The following ADAM22 variants were observed in gnomAD, a reference collection of about 807,000 sequenced individuals.
The protein encoded by ADAM22 is disintegrin and metalloproteinase domain-containing protein 22.
Under a neutral mutation model 144.6 loss-of-function variants are expected in ADAM22, and 65 were observed. The ratio of observed to expected loss-of-function variants is 0.45; its 90% CI spans 0.37 to 0.55. The LOEUF is 0.55. Among genes scored for constraint, ADAM22 ranks in the 20% least tolerant of loss-of-function variants. ADAM22 has a pLI of 0.00. For missense variants in ADAM22, 974 were observed against 1,184.9 expected, an observed-to-expected ratio of 0.82 and a Z score of 2.61; for synonymous variants, 391 against 412.6, an observed-to-expected ratio of 0.95 and a Z score of 0.63.
intron 3 of ADAM22, among the ~76,000 whole-genome samples, chr7:87,991,959 A>G (rs922736548): frequency 6.6e-6 from 1 of 152,192 alleles, no homozygotes; most frequent in African/African-American, 2.4e-5. Flanking sequence ...TTCTCTCACA[A>G]CTGAAAGACA....
intron 5 of ADAM22, among the ~76,000 whole-genome samples, chr7:88,110,563 T>C (rs1825722917): frequency 6.6e-6 from 1 of 151,652 alleles, no homozygotes. Context: ...TAAAGAAGGA[T>C]TGAAAAATAA....
intron 2 of ADAM22, among the ~76,000 whole-genome samples, chr7:87,968,661 A>G (rs968095970): frequency 3.9e-5 from 6 of 152,312 alleles, no homozygotes; most frequent in Middle Eastern, 3.4e-3. Flanking sequence ...ATTTGAGGTT[A>G]CAGTGAGCTG....
At chr7:88,126,575 C>T (rs1830456866) in intron 8 of ADAM22, among the ~76,000 whole-genome samples, 1 of 151,902 alleles carries the variant, frequency 6.6e-6, no homozygotes, top group Non-Finnish European at 1.5e-5. Flanking sequence ...CCCTCAAAAA[C>T]CTTAAGAGGA....
chr7:88,116,858 A>G, intron 7 of ADAM22, 44 bp downstream of exon 7: 1 of 1,418,348 alleles, frequency 7.1e-7, no homozygotes, highest in Admixed American at 1.7e-5. Flanking sequence ...AGACAACTTC[A>G]GTAATTTATT....
At chr7:88,103,514 A>AT (rs1169945753) in intron 4 of ADAM22, among the ~76,000 whole-genome samples, 7 of 152,092 alleles carry the variant, frequency 4.6e-5, no homozygotes, top group South Asian at 4.2e-4. Context: ...ATAGAGGTAG[A>AT]TTTTTTTTAG....
At chr7:88,139,279 A>G (rs1833918905) in intron 14 of ADAM22, among the ~76,000 whole-genome samples, 1 of 152,194 alleles carries the variant, frequency 6.6e-6, no homozygotes, top group African/African-American at 2.4e-5. Context: ...TTAGCTGGAT[A>G]TGATGGCAGG....
chr7:88,084,820 A>G (rs1475269722), intron 4 of ADAM22, among the ~76,000 whole-genome samples: 2 of 152,222 alleles, frequency 1.3e-5, no homozygotes, highest in East Asian at 3.8e-4. Context: ...GGGTGGCTTA[A>G]ACAATAGAAA....
chr7:88,045,936 G>T (rs1420126804), intron 3 of ADAM22, among the ~76,000 whole-genome samples: 3 of 147,088 alleles, frequency 2.0e-5, no homozygotes, highest in African/African-American at 7.6e-5. Flanking sequence ...GTGTGTGTAT[G>T]TCACCCTGTT....
chr7:88,016,035 G>A (rs1022771161), intron 3 of ADAM22, among the ~76,000 whole-genome samples: 1 of 151,774 alleles, frequency 6.6e-6, no homozygotes, highest in East Asian at 1.9e-4. Context: ...ATTTCTCAAG[G>A]TATATTTTCT....
Position 87,944,302 on chromosome 7 carries a change from A to T in ADAM22, c.246+9116A>T, listed in dbSNP as rs11762646. 2.1e-4 allele frequency among the ~76,000 whole-genome samples: 32 copies of T among 152,108 alleles called. 1 individual carries two copies. Among genetic ancestry groups the T allele is most frequent in the Admixed American group, 1.0e-3 (16 of 15,286 alleles). On this transcript the variant is annotated intron_variant, in intron 2 of 31. Transcript: ENST00000413139. Reference sequence around the variant, plus strand: ...GTACACACAATTTGCTGGTACACACAATTTGGTCATTGCTCAAGCTTTTTT... The same window carrying T: ...GTACACACAATTTGCTGGTACACACTATTTGGTCATTGCTCAAGCTTTTTT...
chr7:88,030,058 A>G (rs1395238938), intron 3 of ADAM22, among the ~76,000 whole-genome samples: 1 of 152,072 alleles, frequency 6.6e-6, no homozygotes, highest in East Asian at 1.9e-4. Context: ...TAAACTTTCT[A>G]CCTGCCCTCA....
At chr7:87,989,979 T>G (rs896818453) in intron 3 of ADAM22, among the ~76,000 whole-genome samples, 1 of 152,202 alleles carries the variant, frequency 6.6e-6, no homozygotes, top group African/African-American at 2.4e-5. Context: ...TGATAGTTAC[T>G]TGAGTAACTT....
intron 3 of ADAM22, among the ~76,000 whole-genome samples, chr7:87,980,858 C>A (rs1195312721): frequency 2.0e-5 from 3 of 152,066 alleles, no homozygotes; most frequent in Non-Finnish European, 4.4e-5. Flanking sequence ...TGTGAAATTT[C>A]ACTCTTTAGG....
intron 14 of ADAM22, among the ~76,000 whole-genome samples, chr7:88,140,241 T>C (rs541023496): frequency 6.6e-6 from 1 of 152,124 alleles, no homozygotes; most frequent in Non-Finnish European, 1.5e-5. Context: ...TAACATGAGA[T>C]TTTGAGGGGA....
chr7:88,109,209 C>T (rs183797606), intron 5 of ADAM22, among the ~76,000 whole-genome samples: 241 of 152,178 alleles, frequency 1.6e-3, no homozygotes, highest in Non-Finnish European at 2.4e-3. Flanking sequence ...GAGGGTCTGT[C>T]GTTTCTCAGA....
intron 3 of ADAM22, among the ~76,000 whole-genome samples, chr7:88,014,472 G>A (rs1023407464): frequency 6.6e-6 from 1 of 152,148 alleles, no homozygotes; most frequent in African/African-American, 2.4e-5. Context: ...ACTGGGTGAA[G>A]TGGCTCATAC....
chr7:88,137,592 A>T (rs1329264716), intron 14 of ADAM22, among the ~76,000 whole-genome samples: 1 of 152,102 alleles, frequency 6.6e-6, no homozygotes, highest in African/African-American at 2.4e-5. Context: ...ATCTAACCAG[A>T]TTTCTAACCA....
rs1325928807 is a variant in ADAM22 at position 88,186,716 on chromosome 7, A to T, written c.2750+15A>T. The stretch of plus-strand genomic sequence containing the variant: ...CCATACTTTAGGTATTTTATAAATT[A>T]ATTTTTATATCCTTCTCAAACTCTC... On this transcript the variant is annotated intron_variant, in intron 30 of 31. Transcript: ENST00000413139. The T allele has an allele frequency of 1.4e-6, 2 of 1,471,168 alleles. No homozygotes were observed. Among genetic ancestry groups the T allele is most frequent in the Admixed American group, 3.4e-5 (2 of 59,160 alleles). The allele number at this position is 1,471,168 out of a possible 1,614,324, so 91.1% of individuals were successfully genotyped here. A position where few individuals can be genotyped will look rare whatever the true frequency, so the allele number is the denominator to read the frequency against.
intron 3 of ADAM22, among the ~76,000 whole-genome samples, chr7:88,056,001 T>C (rs1022727428): frequency 1.3e-5 from 2 of 152,214 alleles, no homozygotes; most frequent in Non-Finnish European, 2.9e-5. Context: ...GTCTCAGGAA[T>C]CTGCACAAAA....
Sources: allele counts gnomAD v4.1 joint callset (sites outside exome capture counted in the v4.1 genomes callset), GRCh38; gene constraint gnomAD v4.1.1; transcripts MANE v1.5; gene names NCBI Gene and HGNC (gene_info 2026-07-23, HGNC 2026-07-21).